CHD6: variants seen among roughly 807,000 people sequenced by gnomAD.
CHD6 encodes the protein chromodomain helicase DNA binding protein 6, also known as ATP-dependent chromatin remodeler CHD6.
CHD6 carries 50 observed loss-of-function variants against 276.9 expected under a neutral mutation model. The observed-to-expected ratio is 0.18, with a 90% confidence interval of 0.14 to 0.23. The LOEUF (loss-of-function observed/expected upper bound fraction) is 0.23. Among genes scored for constraint, CHD6 ranks in the 10% least tolerant of loss-of-function variants. The pLI is 1.00. For missense variants in CHD6, 2,564 were observed against 3,365.8 expected (o/e 0.76, Z 5.89); for synonymous variants, 1,173 against 1,229.3 (o/e 0.95, Z 0.96).
intron 1 of CHD6, among the ~76,000 whole-genome samples, chr20:41,583,550 T>C (rs1316022823): frequency 1.3e-5 from 2 of 152,174 alleles, no homozygotes; most frequent in Admixed American, 6.5e-5. Context: ...AGAAGGTATA[T>C]GACACTGAAC....
intron 1 of CHD6, among the ~76,000 whole-genome samples, chr20:41,578,337 C>T (rs979566628): frequency 6.6e-6 from 1 of 152,146 alleles, no homozygotes; most frequent in African/African-American, 2.4e-5. Flanking sequence ...ACCTCTTTTA[C>T]AAGGCATAAT....
chr20:41,425,108 A>G (rs2047318521), intron 29 of CHD6, 70 bp downstream of exon 29: 8 of 1,229,392 alleles, frequency 6.5e-6, no homozygotes, highest in Non-Finnish European at 9.6e-6. Context: ...CCTCCAAGCT[A>G]CCGGCTTTAC....
intron 5 of CHD6, among the ~76,000 whole-genome samples, chr20:41,511,465 TA>T (rs1014572234): frequency 6.6e-6 from 1 of 152,228 alleles, no homozygotes; most frequent in Non-Finnish European, 1.5e-5. Context: ...ACCTCTGTAT[TA>T]AGTGCTAATA....
intron 16 of CHD6, among the ~76,000 whole-genome samples, chr20:41,476,072 C>A (rs2043161798): frequency 1.3e-5 from 2 of 152,096 alleles, no homozygotes; most frequent in Non-Finnish European, 2.9e-5. Flanking sequence ...TGCCCTCATT[C>A]CTGTGTGAGA....
intron 5 of CHD6, among the ~76,000 whole-genome samples, chr20:41,510,840 A>G (rs1254714995): frequency 1.3e-5 from 2 of 152,234 alleles, no homozygotes; most frequent in Non-Finnish European, 2.9e-5. Flanking sequence ...AAGCAATACA[A>G]TTCTATCACC....
At chr20:41,485,477 A>G (rs2043391317) in intron 14 of CHD6, 1 of 152,218 alleles carries the variant, frequency 6.6e-6, no homozygotes, top group African/African-American at 2.4e-5. Context: ...GACTCTGCAT[A>G]AACAAGTTGT....
intron 16 of CHD6, among the ~76,000 whole-genome samples, chr20:41,474,141 A>C (rs949499070): frequency 2.6e-5 from 4 of 152,192 alleles, no homozygotes; most frequent in African/African-American, 9.6e-5. Context: ...ATCACAGGAA[A>C]GGTTTTTGAG....
At chr20:41,497,537 T>C in intron 7 of CHD6, 36 bp from the exon 8 acceptor site, 1 of 1,385,222 alleles carries the variant, frequency 7.2e-7, no homozygotes, top group Non-Finnish European at 1.0e-6. Context: ...GGCAAGCACA[T>C]AACTAGCAAA....
At chr20:41,617,543 T>C (rs2045945011) in intron 1 of CHD6, among the ~76,000 whole-genome samples, 1 of 152,174 alleles carries the variant, frequency 6.6e-6, no homozygotes, top group Non-Finnish European at 1.5e-5. Flanking sequence ...GATAGGCATG[T>C]CCCTGGAAAT....
intron 5 of CHD6, among the ~76,000 whole-genome samples, chr20:41,509,338 T>C (rs772326296): frequency 2.6e-5 from 4 of 152,156 alleles, no homozygotes; most frequent in African/African-American, 9.6e-5. Context: ...GAGAGGCACA[T>C]AGGACAAAAA....
Position 41,437,288 on chromosome 20 carries a change from G to T in CHD6, c.4054C>A (p.Leu1352Ile). Reference protein sequence around the residue: ...EDNAEDKVDGLQKQTESSSDG... With the variant: ...EDNAEDKVDGIQKQTESSSDG... ...ATTTGACTCACCGTTTGTTTCTGGAGGCCATCTACTTTGTCCTCAGCATTG... is the reference window on the plus strand; with the variant it reads ...ATTTGACTCACCGTTTGTTTCTGGATGCCATCTACTTTGTCCTCAGCATTG... The change falls in exon 27 of 37, where the codon CTC becomes ATC. Residue 1352 changes from leucine (L) to isoleucine (I), a missense_variant. Leu to Ile is a conservative substitution (Grantham distance 5). This residue lies in a region of CHD6 where 515 missense variants were observed against 739.5 expected (regional missense o/e 0.70). Transcript: ENST00000373233. 1 of 1,613,330 alleles carries T rather than the reference G, an allele frequency of 6.2e-7. No individual in the cohort carries two copies. The highest frequency in any genetic ancestry group is 8.5e-7 in the Non-Finnish European group (1 of 1,179,450).
Position 41,413,359 on chromosome 20 carries a change from C to T in CHD6, c.7096G>A (p.Ala2366Thr), listed in dbSNP as rs2145409953. 2 of 1,610,942 alleles carry T rather than the reference C, an allele frequency of 1.2e-6. No homozygotes were observed. The highest frequency in any genetic ancestry group is 1.7e-6 in the Non-Finnish European group (2 of 1,179,452). Residue 2366 changes from alanine to threonine, a missense_variant, in exon 35 of 37, where the codon GCT (alanine) becomes ACT (threonine). Physicochemically the swap from Ala to Thr is moderately conservative, Grantham distance 58. This residue lies in a region of CHD6 where 1,024 missense variants were observed against 1,047.9 expected (regional missense o/e 0.98). Transcript: ENST00000373233. ...KSLLDWLRQQ[A>T]DYSLEVPGFG... ...CCAGGAACTTCTAAGGAGTAGTCAG[C>T]CTGCTGCCTTAGCCAGTCAAGCAGA... is the stretch of plus-strand genomic sequence containing the variant.
intron 1 of CHD6, among the ~76,000 whole-genome samples, chr20:41,590,844 C>G (rs28818511): frequency 0.38 from 56,574 of 149,664 alleles, 13,337 homozygotes; most frequent in African/African-American, 0.65. Context: ...ATTTGACCCA[C>G]CCATCCCATT....
rs2145783179 is a variant in CHD6, at chr20:41,473,331, A to G, written c.2655T>C (p.Asn885=). 6.2e-7 allele frequency: 1 copy of G among 1,613,928 alleles called. No homozygotes were observed. The highest frequency in any genetic ancestry group is 2.2e-5 in the East Asian group (1 of 44,806). The stretch of plus-strand genomic sequence containing the variant: ...TCATCCTAGTGGTTACCTGCAAGTC[A>G]TTTTGTGGGTTCCAGTCAGAATCAA... ...IIFDSDWNPQ[N]DLQAQARCHR... Residue 885 remains asparagine (N), a synonymous_variant, in exon 17 of 37, where the codon AAT becomes AAC. Coordinates refer to ENST00000373233, the MANE Select transcript of CHD6 (RefSeq NM_032221.5). This position sits in a 1 kb window ranked among gnomAD's most constrained non-coding sequence, Gnocchi z 4.1.
intron 17 of CHD6, among the ~76,000 whole-genome samples, chr20:41,464,494 T>C (rs2042873685): frequency 6.6e-6 from 1 of 152,222 alleles, no homozygotes; most frequent in African/African-American, 2.4e-5. Flanking sequence ...TACTGTGTTA[T>C]GATAACAAGG....
At chr20:41,477,893 G>A (rs1006792858) in intron 16 of CHD6, among the ~76,000 whole-genome samples, 1 of 152,142 alleles carries the variant, frequency 6.6e-6, no homozygotes, top group Non-Finnish European at 1.5e-5. Flanking sequence ...GCCTTGAAGA[G>A]GGTAAAATAA....
At chr20:41,455,025 T>C (rs1020674057) in intron 19 of CHD6, among the ~76,000 whole-genome samples, 1 of 152,236 alleles carries the variant, frequency 6.6e-6, no homozygotes, top group Non-Finnish European at 1.5e-5. Flanking sequence ...AATGTGACAC[T>C]TGGTGTCTAG....
At position 41,499,355 on chromosome 20, in the gene CHD6, C is replaced by A; in HGVS notation, c.855G>T (p.Glu285Asp). 6.3e-7 allele frequency: 1 copy of A among 1,596,788 alleles called. No homozygotes were observed. Among genetic ancestry groups the A allele is most frequent in the Non-Finnish European group, 8.5e-7 (1 of 1,171,116 alleles). ...TGATGTTTGCATCATCTTCTGGAGG[C>A]TCCTGGGGACAAAGATAAAAAAAAA... is the stretch of plus-strand genomic sequence containing the variant. ...SASTLAWQAE[E>D]PPEDDANIIE... Residue 285 changes from glutamate to aspartate, a missense_variant and splice_region_variant, in exon 6 of 37, where the codon GAG becomes GAT. Glu to Asp is a conservative substitution (Grantham distance 45, BLOSUM62 2). Coordinates refer to ENST00000373233, the MANE Select transcript of CHD6 (RefSeq NM_032221.5).
At chr20:41,509,781 C>G (rs1015604959) in intron 5 of CHD6, among the ~76,000 whole-genome samples, 2 of 152,126 alleles carry the variant, frequency 1.3e-5, no homozygotes, top group Admixed American at 1.3e-4. Flanking sequence ...ATCAGTTTGA[C>G]AAAGAATAAG....
Sources: gnomAD v4.1 joint callset for allele counts (sites outside exome capture counted in the v4.1 genomes callset) on GRCh38, gnomAD v4.1.1 for gene constraint, gnomAD v4.1.1 regional missense constraint, Gnocchi (gnomAD v3.1) non-coding constraint, MANE v1.5 for transcripts, NCBI Gene and HGNC (gene_info 2026-07-23, HGNC 2026-07-21) for gene names.